The following NEK1 variants were observed in gnomAD, a reference collection of about 807,000 sequenced individuals.
The protein encoded by NEK1 is serine/threonine-protein kinase Nek1.
Under a neutral mutation model 182.1 loss-of-function variants are expected in NEK1, and 137 were observed. The observed-to-expected ratio is 0.75, with a 90% CI of 0.65 to 0.87. NEK1 has a LOEUF of 0.87. Among genes scored for constraint, NEK1 ranks in the 40% least tolerant of loss-of-function variants. The probability of loss-of-function intolerance (pLI) is 0.00; values close to 1 mark genes in which losing one functional copy is unlikely to be tolerated. For synonymous variants in NEK1, 513 were observed against 492.2 expected, an observed-to-expected ratio of 1.04 and a Z score of -0.56; for missense variants, 1,391 against 1,494.4, an observed-to-expected ratio of 0.93 and a Z score of 1.14.
At chr4:169,591,325 T>A (rs942980011) in intron 5 of NEK1, among the ~76,000 whole-genome samples, 2 of 151,384 alleles carry the variant, frequency 1.3e-5, no homozygotes, top group African/African-American at 4.9e-5. Flanking sequence ...TTTATTTTTG[T>A]TTTTTTTACA....
chr4:169,468,966 C>T (rs1028016325), intron 26 of NEK1, among the ~76,000 whole-genome samples: 2 of 152,044 alleles, frequency 1.3e-5, no homozygotes, highest in South Asian at 4.1e-4. Flanking sequence ...GTGGTGATAT[C>T]CCCTTTATCA....
At chr4:169,506,257 AAGAC>A (rs1429262594) in intron 23 of NEK1, among the ~76,000 whole-genome samples, 6 of 152,146 alleles carry the variant, frequency 3.9e-5, no homozygotes, top group Non-Finnish European at 4.4e-5. Context: ...ACTGGCAGAA[AAGAC>A]AGAGTAACAG....
At chr4:169,526,759 C>T (rs530918246) in intron 19 of NEK1, among the ~76,000 whole-genome samples, 9 of 152,152 alleles carry the variant, frequency 5.9e-5, no homozygotes, top group African/African-American at 2.2e-4. Flanking sequence ...TATCAGAAAA[C>T]ACATATTGGG....
intron 23 of NEK1, among the ~76,000 whole-genome samples, chr4:169,493,666 A>G (rs2149620322): frequency 1.3e-5 from 2 of 152,342 alleles, no homozygotes; most frequent in Middle Eastern, 6.8e-3. Context: ...TTAACAACAA[A>G]CTAGACAAAG....
chr4:169,401,651 C>G lies in NEK1; in HGVS notation c.3583+1G>C. The G allele has an allele frequency of 1.2e-6, 2 of 1,612,688 alleles. No homozygotes were observed. Among genetic ancestry groups the G allele is most frequent in the East Asian group, 2.2e-5 (1 of 44,876 alleles). ...AAAGGTCCAAAACTCTGATCATGCA[C>G]CTGAGTGCCATTCTTCGTTCAGGGC... On this transcript the variant is annotated splice_donor_variant, in intron 33 of 35. Coordinates refer to ENST00000507142, the MANE Select transcript of NEK1 (RefSeq NM_001199397.3). LOFTEE classifies it high-confidence loss of function.
At chr4:169,609,110 G>A (rs113817893) in intron 2 of NEK1, among the ~76,000 whole-genome samples, 193 of 151,604 alleles carry the variant, frequency 1.3e-3, no homozygotes, top group Non-Finnish European at 2.3e-3. Context: ...AATACAAGGG[G>A]TAAGTTTTAT....
intron 12 of NEK1, among the ~76,000 whole-genome samples, chr4:169,569,649 G>A (rs1421073425): frequency 6.6e-5 from 10 of 152,002 alleles, no homozygotes; most frequent in Non-Finnish European, 8.8e-5. Flanking sequence ...GCGCCACCAC[G>A]CCTGACTGGT....
intron 11 of NEK1, among the ~76,000 whole-genome samples, chr4:169,577,927 A>G (rs1765977446): frequency 6.6e-6 from 1 of 152,100 alleles, no homozygotes; most frequent in African/African-American, 2.4e-5. Context: ...GACCTGACAA[A>G]AAAGAAATAT....
At chr4:169,601,318 C>T (rs958990211) in intron 4 of NEK1, among the ~76,000 whole-genome samples, 16 of 152,200 alleles carry the variant, frequency 1.1e-4, no homozygotes, top group African/African-American at 3.9e-4. Context: ...TTTTAGTTTA[C>T]AGAAATTAAG....
At chr4:169,430,479 A>G (rs1003007229) in intron 29 of NEK1, among the ~76,000 whole-genome samples, 1 of 152,164 alleles carries the variant, frequency 6.6e-6, no homozygotes, top group Non-Finnish European at 1.5e-5. Context: ...GCCACTGGGC[A>G]CATACTGCTA....
intron 19 of NEK1, among the ~76,000 whole-genome samples, chr4:169,520,976 C>T (rs1394833371): frequency 2.4e-5 from 1 of 41,428 alleles, no homozygotes; most frequent in Non-Finnish European, 4.8e-5. Context: ...CTGTGCCCTG[C>T]CCCCAGAGGT....
At chr4:169,599,470 T>C (rs1343129379) in intron 4 of NEK1, among the ~76,000 whole-genome samples, 1 of 152,196 alleles carries the variant, frequency 6.6e-6, no homozygotes, top group Non-Finnish European at 1.5e-5. Context: ...CTCTGAAATA[T>C]AAACAAAATG....
At chr4:169,454,581 C>T (rs1156931578) in intron 27 of NEK1, among the ~76,000 whole-genome samples, 1 of 152,154 alleles carries the variant, frequency 6.6e-6, no homozygotes, top group Non-Finnish European at 1.5e-5. Flanking sequence ...TGAAAAAATG[C>T]TCATCATCAC....
At chr4:169,433,920 T>C (rs1452820524) in intron 28 of NEK1, among the ~76,000 whole-genome samples, 1 of 152,178 alleles carries the variant, frequency 6.6e-6, no homozygotes, top group Non-Finnish European at 1.5e-5. Context: ...ATACTCTATA[T>C]TTTTCACCAT....
chr4:169,441,037 C>A (rs1739352198), intron 27 of NEK1, among the ~76,000 whole-genome samples: 1 of 152,196 alleles, frequency 6.6e-6, no homozygotes. Context: ...AACCTTGTGA[C>A]ATGAGCTGGA....
At chr4:169,522,796 A>T (rs1756298394) in intron 19 of NEK1, among the ~76,000 whole-genome samples, 1 of 152,194 alleles carries the variant, frequency 6.6e-6, no homozygotes, top group Admixed American at 6.5e-5. Context: ...TGGTGTCAGG[A>T]AAATGTTGAG....
At position 169,502,243 on chromosome 4, in the gene NEK1, T is replaced by TA. The variant is rs552684420; in HGVS notation, c.2007+4793dup. ...AATGAGTACAAAATTGAAACAGTAATAAAAAAAAAAAACTACCAATCAAAA... is the reference window on the plus strand; with the variant it reads ...AATGAGTACAAAATTGAAACAGTAATAAAAAAAAAAAAACTACCAATCAAAA... On this transcript the variant is annotated intron_variant, in intron 23 of 35. Coordinates refer to ENST00000507142, the MANE Select transcript of NEK1 (RefSeq NM_001199397.3). Among the ~76,000 whole-genome samples, 894 of 112,478 alleles carry TA rather than the reference T, an allele frequency of 7.9e-3. 7 individuals are homozygous for TA. The highest frequency in any genetic ancestry group is 0.037 in the South Asian group (147 of 3,920). The allele number at this position is 112,478 out of a possible 152,430, so 73.8% of individuals were successfully genotyped here.
intron 9 of NEK1, among the ~76,000 whole-genome samples, chr4:169,586,566 T>C (rs1255674750): frequency 6.6e-6 from 1 of 152,014 alleles, no homozygotes; most frequent in African/African-American, 2.4e-5. Flanking sequence ...GACAGAACAA[T>C]GTAGTTGCAA....
intron 18 of NEK1, among the ~76,000 whole-genome samples, chr4:169,540,882 T>TA (rs2149826761): frequency 6.6e-6 from 1 of 152,100 alleles, no homozygotes; most frequent in East Asian, 1.9e-4. Flanking sequence ...TTTTTTTTTT[T>TA]AGCCCTGACA....
Sources: allele counts gnomAD v4.1 joint callset (sites outside exome capture counted in the v4.1 genomes callset), GRCh38; gene constraint gnomAD v4.1.1; transcripts MANE v1.5; gene names NCBI Gene and HGNC (gene_info 2026-07-23, HGNC 2026-07-21).